Variants in CIITA observed in about 807,000 individuals in gnomAD.
CIITA encodes MHC class II transactivator.
Under a neutral mutation model 115.1 loss-of-function variants are expected in CIITA, and 72 were observed. The observed-to-expected ratio is 0.63, with a 90% CI of 0.52 to 0.76. CIITA has a LOEUF of 0.76. CIITA is among the 30% of genes least tolerant of loss of function. The probability of loss-of-function intolerance (pLI) is 0.00; values close to 1 mark genes in which losing one functional copy is unlikely to be tolerated. For missense variants in CIITA, 1,617 were observed against 1,463.8 expected, an observed-to-expected ratio of 1.10 and a Z score of -1.71; for synonymous variants, 763 against 635.6, an observed-to-expected ratio of 1.20 and a Z score of -3.02.
intron 13 of CIITA, among the ~76,000 whole-genome samples, chr16:10,914,407 G>C (rs2039807347): frequency 1.3e-5 from 2 of 152,162 alleles, no homozygotes; most frequent in Non-Finnish European, 2.9e-5. Flanking sequence ...ATGAATTCGA[G>C]TGACCGTGCG....
rs1049055214 is a variant in CIITA, at chr16:10,924,086, G to A, written c.*231G>A. ...CTCCAGGCTCCTTTAGCGCCCAGTT[G>A]GGTGGATGCCTGGTGGCAGCTGCGG... On this transcript the variant is annotated 3_prime_UTR_variant, in exon 20 of 20. Coordinates refer to ENST00000324288, the MANE Select transcript of CIITA (RefSeq NM_000246.4). 2.1e-4 allele frequency: 32 copies of A among 152,702 alleles called. No homozygotes were observed. Among genetic ancestry groups the A allele is most frequent in the African/African-American group, 7.7e-4 (32 of 41,582 alleles). 9.5% of individuals were successfully genotyped at this position (152,702 alleles called of 1,614,324 possible).
At chr16:10,900,108 GT>G (rs1181496922) in intron 5 of CIITA, among the ~76,000 whole-genome samples, 2 of 151,830 alleles carry the variant, frequency 1.3e-5, no homozygotes, top group Non-Finnish European at 1.5e-5. Flanking sequence ...AGAATATTCA[GT>G]GAAAAAAAAA....
chr16:10,908,332 A>C, intron 11 of CIITA, 183 bp downstream of exon 11: 1 of 757,170 alleles, frequency 1.3e-6, no homozygotes, highest in Non-Finnish European at 2.3e-6. Context: ...CACTTGCCAC[A>C]CAGCAAGTGA....
At chr16:10,889,529 T>G (rs1444383393) in intron 1 of CIITA, among the ~76,000 whole-genome samples, 5 of 151,472 alleles carry the variant, frequency 3.3e-5, no homozygotes, top group African/African-American at 1.2e-4. Context: ...TGTTTTTTGT[T>G]TTTTTTTTGA....
chr16:10,919,651 A>G (rs2040167735), intron 16 of CIITA, among the ~76,000 whole-genome samples: 1 of 151,642 alleles, frequency 6.6e-6, no homozygotes, highest in Non-Finnish European at 1.5e-5. Context: ...TGGGTCCTAT[A>G]CCCTCCTGAG....
chr16:10,876,343 C>T (rs556067765), upstream of CIITA, among the ~76,000 whole-genome samples: 1 of 152,272 alleles, frequency 6.6e-6, no homozygotes, highest in South Asian at 2.1e-4. Flanking sequence ...TAAAACTTTA[C>T]GTCCCATTAT....
At position 10,920,610 on chromosome 16, in the gene CIITA, C is replaced by T. The variant is rs1291825353; in HGVS notation, c.3150-1557C>T. ...TAAGATGCCATCCATTGTAAGACCCCAATATGAGGCCAAAATGCAAACTGT... is the reference window on the plus strand; with the variant it reads ...TAAGATGCCATCCATTGTAAGACCCTAATATGAGGCCAAAATGCAAACTGT... On this transcript the variant is annotated intron_variant, in intron 16 of 19. Transcript: ENST00000324288. The surrounding 1 kb of genome is among the most constrained non-coding windows in gnomAD (Gnocchi z 4.5). Among the ~76,000 whole-genome samples, 3 of 152,174 alleles carry T rather than the reference C, an allele frequency of 2.0e-5. No individual in the cohort carries two copies. The highest frequency in any genetic ancestry group is 4.4e-5 in the Non-Finnish European group (3 of 68,040).
At position 10,881,222 on chromosome 16, in the gene CIITA, G is replaced by A. The variant is rs115680827; in HGVS notation, c.52+3840G>A. Among the ~76,000 whole-genome samples the A allele has an allele frequency of 8.2e-3, 1,244 of 152,114 alleles. 28 individuals carry two copies. The highest frequency in any genetic ancestry group is 0.028 in the African/African-American group (1,149 of 41,480). ...TGAACCCAAGAGGCGGAGTTTACCC[G>A]AGAGGTGGAGGTTACCCGAGAGCTG... On this transcript the variant is annotated intron_variant, in intron 1 of 19. Coordinates refer to ENST00000324288, the MANE Select transcript of CIITA (RefSeq NM_000246.4).
intron 1 of CIITA, 111 bp downstream of exon 1, chr16:10,877,493 C>A: frequency 1.8e-6 from 2 of 1,128,458 alleles, no homozygotes; most frequent in East Asian, 2.6e-5. Context: ...AGGATGGGAA[C>A]AGGAGTCTGT....
intron 9 of CIITA, among the ~76,000 whole-genome samples, chr16:10,904,114 C>T (rs759861546): frequency 1.3e-5 from 2 of 152,136 alleles, no homozygotes; most frequent in African/African-American, 4.8e-5. Context: ...CAGCCATCAG[C>T]CTTCAGCTGC....
At chr16:10,916,623 T>C in intron 15 of CIITA, 164 bp downstream of exon 15, 2 of 682,158 alleles carry the variant, frequency 2.9e-6, no homozygotes, top group Non-Finnish European at 5.2e-6. Flanking sequence ...ACTCCTGGCC[T>C]CAAGGAATCT....
chr16:10,899,004 T>A lies in CIITA; in HGVS notation c.436+2T>A. On this transcript the variant is annotated splice_donor_variant, in intron 5 of 19. Transcript: ENST00000324288. LOFTEE classifies it high-confidence loss of function. Reference sequence around the variant, plus strand: ...TTGGGCAGAAAAGTCAGAAAAGACGTGAGTGAGCCCCTCCCTGATCCAACC... The same window carrying A: ...TTGGGCAGAAAAGTCAGAAAAGACGAGAGTGAGCCCCTCCCTGATCCAACC... 6.2e-7 allele frequency: 1 copy of A among 1,613,980 alleles called. No homozygotes were observed. Among genetic ancestry groups the A allele is most frequent in the Non-Finnish European group, 8.5e-7 (1 of 1,179,936 alleles).
chr16:10,899,946 T>A (rs2038543889), intron 5 of CIITA, among the ~76,000 whole-genome samples: 1 of 152,038 alleles, frequency 6.6e-6, no homozygotes, highest in Non-Finnish European at 1.5e-5. Flanking sequence ...CCGGGTGTGG[T>A]GGTGCACGCC....
intron 1 of CIITA, among the ~76,000 whole-genome samples, chr16:10,884,253 G>C (rs1309640810): frequency 6.6e-6 from 1 of 151,374 alleles, no homozygotes; most frequent in Non-Finnish European, 1.5e-5. Flanking sequence ...TTGTTTGCCA[G>C]AGGCTGGTTG....
At position 10,901,798 on chromosome 16, in the gene CIITA, C is replaced by G; in HGVS notation, c.481+240C>G. The G allele has an allele frequency of 1.5e-6, 1 of 679,750 alleles. No homozygotes were observed. The highest frequency in any genetic ancestry group is 2.5e-6 in the Non-Finnish European group (1 of 397,942). 42.1% of individuals were successfully genotyped at this position (679,750 alleles called of 1,614,324 possible). A position where few individuals can be genotyped will look rare whatever the true frequency, so the allele number is the denominator to read the frequency against. On this transcript the variant is annotated intron_variant, in intron 6 of 19. Coordinates refer to ENST00000324288, the MANE Select transcript of CIITA (RefSeq NM_000246.4). This position sits in a 1 kb window ranked among gnomAD's most constrained non-coding sequence, Gnocchi z 6.8. The stretch of plus-strand genomic sequence containing the variant: ...GTTCATAGGTTCTATTCTGCCCCAG[C>G]TCTCCGTGTGGAGGCCCTAGGGTCC...
chr16:10,921,732 C>G (rs1383625157), intron 16 of CIITA, among the ~76,000 whole-genome samples: 1 of 152,194 alleles, frequency 6.6e-6, no homozygotes, highest in Non-Finnish European at 1.5e-5. Flanking sequence ...TGCTGTTTTC[C>G]TGGGCTCACT....
In CIITA at chr16:10,901,501, G is replaced by A; in HGVS notation, c.437-13G>A. On this transcript the variant is annotated splice_polypyrimidine_tract_variant and intron_variant, in intron 5 of 19. Transcript: ENST00000324288. This position sits in a 1 kb window ranked among gnomAD's most constrained non-coding sequence, Gnocchi z 6.8. ...CTCTCCCTGGGGCAGCTGATCACAT[G>A]TTTTCTCTGCAGCCTTCCCAGAGGA... 6.2e-7 allele frequency: 1 copy of A among 1,614,102 alleles called. No individual in the cohort carries two copies.
intron 1 of CIITA, chr16:10,878,847 C>A (rs775088392): frequency 5.6e-5 from 13 of 230,170 alleles, no homozygotes; most frequent in Non-Finnish European, 9.5e-5. Flanking sequence ...CACGTGGTGG[C>A]CACAGTAGGT....
chr16:10,901,847 A>G lies in CIITA; in HGVS notation c.482-191A>G, dbSNP rs752309106. On this transcript the variant is annotated intron_variant, in intron 6 of 19. Transcript: ENST00000324288. This position sits in a 1 kb window ranked among gnomAD's most constrained non-coding sequence, Gnocchi z 6.8. ...CCTGCTCAGCATAGCTCTCAGAGCCAAGTCACAAGGAGAGGACTGGGGGAC... is the reference window on the plus strand; with the variant it reads ...CCTGCTCAGCATAGCTCTCAGAGCCGAGTCACAAGGAGAGGACTGGGGGAC... 7 of 844,996 alleles carry G rather than the reference A, an allele frequency of 8.3e-6. No individual in the cohort carries two copies. The highest frequency in any genetic ancestry group is 1.3e-5 in the Non-Finnish European group (7 of 521,220). 52.3% of individuals were successfully genotyped at this position (844,996 alleles called of 1,614,324 possible). A position where few individuals can be genotyped will look rare whatever the true frequency, so the allele number is the denominator to read the frequency against.
Sources: gnomAD v4.1 joint callset for allele counts (sites outside exome capture counted in the v4.1 genomes callset) on GRCh38, gnomAD v4.1.1 for gene constraint, Gnocchi (gnomAD v3.1) non-coding constraint, MANE v1.5 for transcripts, NCBI Gene and HGNC (gene_info 2026-07-23, HGNC 2026-07-21) for gene names.